The following KCNH7 variants were observed in gnomAD, a reference collection of about 807,000 sequenced individuals.
The protein encoded by KCNH7 is potassium voltage-gated channel subfamily H member 7.
A neutral mutation model predicts 120.8 loss-of-function variants in KCNH7; 49 were observed. The ratio of observed to expected loss-of-function variants is 0.41; its 90% CI spans 0.32 to 0.51. The LOEUF is 0.51. KCNH7 is among the 20% of genes least tolerant of loss of function. KCNH7 has a pLI of 0.38. For synonymous variants in KCNH7, 547 were observed against 516.1 expected, an observed-to-expected ratio of 1.06 and a Z score of -0.81; for missense variants, 1,097 against 1,446.6, an observed-to-expected ratio of 0.76 and a Z score of 3.92.
intron 2 of KCNH7, among the ~76,000 whole-genome samples, chr2:162,567,240 T>C (rs1308912933): frequency 6.6e-6 from 1 of 151,974 alleles, no homozygotes; most frequent in Non-Finnish European, 1.5e-5. Context: ...GACCCTCTAA[T>C]AAAAAATCAA....
At chr2:162,618,370 C>A (rs1268811524) in intron 2 of KCNH7, among the ~76,000 whole-genome samples, 2 of 151,920 alleles carry the variant, frequency 1.3e-5, no homozygotes, top group Admixed American at 6.6e-5. Flanking sequence ...CTGAATTTTA[C>A]AACATGGATC....
intron 2 of KCNH7, among the ~76,000 whole-genome samples, chr2:162,688,732 C>CT (rs71410027): frequency 0.042 from 5,781 of 137,724 alleles, 238 homozygotes; most frequent in African/African-American, 0.11. Context: ...TGCCCCCATT[C>CT]TTTTTTTTTT....
intron 2 of KCNH7, among the ~76,000 whole-genome samples, chr2:162,776,256 A>AT: frequency 6.6e-6 from 1 of 152,248 alleles, no homozygotes; most frequent in East Asian, 1.9e-4. Flanking sequence ...GGGAGGCTTC[A>AT]TGTAAGTATT....
chr2:162,418,122 A>G (rs1393129981), intron 9 of KCNH7, among the ~76,000 whole-genome samples: 1 of 152,174 alleles, frequency 6.6e-6, no homozygotes, highest in Non-Finnish European at 1.5e-5. Flanking sequence ...CTACATGCAG[A>G]TGACAACATC....
At chr2:162,672,070 C>T (rs1685379767) in intron 2 of KCNH7, among the ~76,000 whole-genome samples, 1 of 151,842 alleles carries the variant, frequency 6.6e-6, no homozygotes, top group Non-Finnish European at 1.5e-5. Context: ...TTGACAGAAC[C>T]ACAGGAAAAA....
At chr2:162,676,981 T>C (rs998788224) in intron 2 of KCNH7, among the ~76,000 whole-genome samples, 1 of 151,528 alleles carries the variant, frequency 6.6e-6, no homozygotes, top group Non-Finnish European at 1.5e-5. Flanking sequence ...TAGTTTAAAT[T>C]AGTTAAAATA....
At chr2:162,760,943 CA>C (rs1324419674) in intron 2 of KCNH7, among the ~76,000 whole-genome samples, 1 of 152,062 alleles carries the variant, frequency 6.6e-6, no homozygotes, top group Non-Finnish European at 1.5e-5. Flanking sequence ...TGTAGAATAG[CA>C]ACTAATTACA....
At chr2:162,441,670 C>T (rs76471410) in intron 7 of KCNH7, among the ~76,000 whole-genome samples, 7 of 152,016 alleles carry the variant, frequency 4.6e-5, no homozygotes, top group East Asian at 1.9e-4. Flanking sequence ...AGCTAAATAC[C>T]GGAAAATATG....
chr2:162,555,365 G>A (rs1218412538), intron 2 of KCNH7, among the ~76,000 whole-genome samples: 5 of 152,100 alleles, frequency 3.3e-5, no homozygotes, highest in Non-Finnish European at 5.9e-5. Context: ...CTAGTTGTGC[G>A]AAATTTACCA....
intron 4 of KCNH7, among the ~76,000 whole-genome samples, chr2:162,515,190 G>A (rs1015714382): frequency 7.3e-5 from 11 of 150,794 alleles, no homozygotes; most frequent in African/African-American, 2.7e-4. Flanking sequence ...AGCATAATCT[G>A]TAAGAAAGTA....
chr2:162,800,219 T>G (rs1262300423), intron 2 of KCNH7, among the ~76,000 whole-genome samples: 1 of 151,634 alleles, frequency 6.6e-6, no homozygotes, highest in Non-Finnish European at 1.5e-5. Flanking sequence ...AGAAAATGAA[T>G]GTAAGTGAGA....
intron 6 of KCNH7, among the ~76,000 whole-genome samples, chr2:162,464,324 G>A (rs1358743000): frequency 6.6e-6 from 1 of 151,874 alleles, no homozygotes; most frequent in Non-Finnish European, 1.5e-5. Flanking sequence ...TATATCTCAT[G>A]AGAAATTTTT....
intron 2 of KCNH7, among the ~76,000 whole-genome samples, chr2:162,801,126 G>A (rs1435382234): frequency 1.3e-5 from 2 of 151,586 alleles, no homozygotes; most frequent in East Asian, 1.9e-4. Flanking sequence ...GATGTATTCC[G>A]AACTAATGCG....
intron 6 of KCNH7, among the ~76,000 whole-genome samples, chr2:162,475,062 C>CA (rs1689689547): frequency 6.6e-6 from 1 of 152,206 alleles, no homozygotes; most frequent in Non-Finnish European, 1.5e-5. Context: ...TGTGGGGTAA[C>CA]AAAGGCTTGT....
intron 2 of KCNH7, among the ~76,000 whole-genome samples, chr2:162,639,649 C>T (rs1477602506): frequency 6.6e-6 from 1 of 152,082 alleles, no homozygotes; most frequent in Admixed American, 6.6e-5. Context: ...TGAATGTCTT[C>T]CCCCTAAGAC....
chr2:162,675,894 G>A (rs1245955905), intron 2 of KCNH7, among the ~76,000 whole-genome samples: 1 of 151,396 alleles, frequency 6.6e-6, no homozygotes, highest in African/African-American at 2.4e-5. Context: ...AAGGTGGCAT[G>A]CAAAATATTA....
intron 2 of KCNH7, among the ~76,000 whole-genome samples, chr2:162,759,066 C>T (rs1421735012): frequency 1.3e-5 from 2 of 152,140 alleles, no homozygotes; most frequent in Non-Finnish European, 2.9e-5. Flanking sequence ...GTACTTGCCA[C>T]TCTTTCCCAG....
chr2:162,397,760 C>T (rs1686956830), intron 10 of KCNH7, among the ~76,000 whole-genome samples: 1 of 151,786 alleles, frequency 6.6e-6, no homozygotes, highest in African/African-American at 2.4e-5. Flanking sequence ...GGTGCATTGC[C>T]TCAATTTGTT....
chr2:162,538,423 T>C (rs897817713), intron 2 of KCNH7, among the ~76,000 whole-genome samples: 2 of 151,970 alleles, frequency 1.3e-5, no homozygotes, highest in African/African-American at 4.8e-5. Flanking sequence ...GATGATTCAA[T>C]GCAGAGGCGG....
Sources: gnomAD v4.1 joint callset for allele counts (sites outside exome capture counted in the v4.1 genomes callset) on GRCh38, gnomAD v4.1.1 for gene constraint, MANE v1.5 for transcripts, NCBI Gene and HGNC (gene_info 2026-07-23, HGNC 2026-07-21) for gene names.